The following ASMT variants were observed in gnomAD, a reference collection of about 807,000 sequenced individuals.
ASMT encodes the protein acetylserotonin O-methyltransferase.
A neutral mutation model predicts 41.3 loss-of-function variants in ASMT; 53 were observed. That is an observed-to-expected ratio of 1.28 (90% confidence interval 1.03 to 1.61). ASMT has a LOEUF of 1.61. ASMT is among the 40% of genes most tolerant of loss of function. ASMT has a pLI of 0.00. For synonymous variants in ASMT, 231 were observed against 184.8 expected (o/e 1.25, Z -2.03); for missense variants, 531 against 441.3 (o/e 1.20, Z -1.82).
chrX:1,631,908 G>A (rs1462872240), intron 5 of ASMT, among the ~76,000 whole-genome samples: 8 of 152,098 alleles, frequency 5.3e-5, no homozygotes, highest in Non-Finnish European at 1.2e-4. Flanking sequence ...ACTTAGCCAG[G>A]CATGACAGTA....
chrX:1,617,762 C>T (rs1407800365), intron 1 of ASMT, among the ~76,000 whole-genome samples: 20 of 151,328 alleles, frequency 1.3e-4, no homozygotes, highest in East Asian at 8.0e-4. Flanking sequence ...AGTACAGGCG[C>T]GTTCCAACAC....
At chrX:1,634,975 T>TTTCTCCTAAGC (rs1934904301) in intron 7 of ASMT, among the ~76,000 whole-genome samples, 2 of 135,024 alleles carry the variant, frequency 1.5e-5, no homozygotes, top group Non-Finnish European at 3.1e-5. Context: ...CTGAGTTAAC[T>TTTCTCCTAAGC]CTTTTTTTTT....
chrX:1,616,257 G>A (rs1247042810), intron 1 of ASMT, among the ~76,000 whole-genome samples: 1 of 151,386 alleles, frequency 6.6e-6, no homozygotes, highest in Non-Finnish European at 1.5e-5. Context: ...TCGAACTCCT[G>A]ACCTCAAGTG....
intron 2 of ASMT, among the ~76,000 whole-genome samples, chrX:1,623,738 T>G (rs1476341920): frequency 1.3e-5 from 2 of 151,940 alleles, no homozygotes; most frequent in African/African-American, 2.4e-5. Context: ...GGGCCACGTA[T>G]TTTTAATAGA....
chrX:1,619,109 C>A (rs1934241323), intron 1 of ASMT, among the ~76,000 whole-genome samples: 1 of 151,912 alleles, frequency 6.6e-6, no homozygotes, highest in Admixed American at 6.6e-5. Context: ...ATTTAGTATA[C>A]CCTTGGCCAG....
intron 1 of ASMT, among the ~76,000 whole-genome samples, chrX:1,622,937 A>T (rs1345742729): frequency 2.6e-5 from 4 of 152,008 alleles, no homozygotes; most frequent in South Asian, 2.1e-4. Flanking sequence ...ATTAATTAAT[A>T]AAAATAAATA....
chrX:1,624,053 C>T (rs752320188), intron 2 of ASMT, among the ~76,000 whole-genome samples: 4 of 152,102 alleles, frequency 2.6e-5, no homozygotes, highest in African/African-American at 9.6e-5. Context: ...GGGATTTGTA[C>T]AAACCGAACC....
intron 1 of ASMT, among the ~76,000 whole-genome samples, chrX:1,619,079 T>C (rs1381169589): frequency 6.6e-6 from 1 of 152,098 alleles, no homozygotes; most frequent in African/African-American, 2.4e-5. Context: ...CAAGAGTGAA[T>C]ATCGCCTTAA....
chrX:1,629,804 G>A lies in ASMT; in HGVS notation c.444-17G>A, dbSNP rs756384012. On this transcript the variant is annotated splice_polypyrimidine_tract_variant and intron_variant, in intron 4 of 8. Transcript: ENST00000381241. ...CCAGATCCTCACCATCTTGACAAGC[G>A]TGGTTTTGCATGCCAGGTCCGAGGG... 28 of 1,612,156 alleles carry A rather than the reference G, an allele frequency of 1.7e-5. No homozygotes were observed. Among genetic ancestry groups the A allele is most frequent in the East Asian group, 6.7e-5 (3 of 44,870 alleles).
At chrX:1,642,196 G>T (rs1284470931) in intron 8 of ASMT, among the ~76,000 whole-genome samples, 2 of 147,750 alleles carry the variant, frequency 1.4e-5, no homozygotes, top group Non-Finnish European at 3.0e-5. Context: ...GTGTGATAAG[G>T]ACAGTGTTCC....
rs553266953 is a variant in ASMT at position 1,640,516 on chromosome X, C to T, written c.911-2287C>T. On this transcript the variant is annotated intron_variant, in intron 8 of 8. Coordinates refer to ENST00000381241, the MANE Select transcript of ASMT (RefSeq NM_001171038.2). ...CACCCATCCTGATGCTTCATGAGGA[C>T]GTGGGCACAGCCTCTGTGTATGATG... Among the ~76,000 whole-genome samples, 170 of 50,154 alleles carry T rather than the reference C, an allele frequency of 3.4e-3. 12 individuals carry two copies. Among genetic ancestry groups the T allele is most frequent in the East Asian group, 0.015 (7 of 458 alleles). The allele number at this position is 50,154 out of a possible 152,430, so 32.9% of individuals were successfully genotyped here. A position where few individuals can be genotyped will look rare whatever the true frequency, so the allele number is the denominator to read the frequency against.
chrX:1,635,555 CAGAAAGAA>C (rs1173001013), intron 7 of ASMT, among the ~76,000 whole-genome samples: 10 of 151,858 alleles, frequency 6.6e-5, no homozygotes, highest in African/African-American at 2.4e-4. Context: ...CAGGGGACAT[CAGAAAGAA>C]AGAAAGAAAG....
intron 7 of ASMT, among the ~76,000 whole-genome samples, chrX:1,635,235 C>G (rs1324230595): frequency 2.7e-5 from 4 of 150,066 alleles, no homozygotes; most frequent in Admixed American, 1.3e-4. Context: ...CTGCCCCGCT[C>G]AGACTCCCAA....
intron 8 of ASMT, among the ~76,000 whole-genome samples, chrX:1,636,968 G>A (rs1323980479): frequency 1.2e-5 from 1 of 82,094 alleles, no homozygotes; most frequent in East Asian, 6.7e-4. Flanking sequence ...CCATCCTGAT[G>A]GCACATGAGG....
intron 3 of ASMT, among the ~76,000 whole-genome samples, 199 bp from the exon 4 acceptor site, chrX:1,627,504 C>G (rs1934595707): frequency 6.6e-6 from 1 of 151,564 alleles, no homozygotes; most frequent in South Asian, 2.1e-4. Flanking sequence ...GCCTATAGTC[C>G]CAGCTACTCG....
chrX:1,633,625 G>A (rs1316812110), intron 7 of ASMT, among the ~76,000 whole-genome samples: 13 of 147,236 alleles, frequency 8.8e-5, no homozygotes, highest in African/African-American at 2.8e-4. Flanking sequence ...ACAGGCATGC[G>A]CCACCACATC....
At chrX:1,642,621 C>T (rs755178709) in intron 8 of ASMT, among the ~76,000 whole-genome samples, 182 bp from the exon 9 acceptor site, 96 of 133,434 alleles carry the variant, frequency 7.2e-4, no homozygotes, top group African/African-American at 2.0e-3. Flanking sequence ...AGTGTCCCAG[C>T]GTCCTGTGAG....
At position 1,627,663 on chromosome X, in the gene ASMT, TGAAATGAAATG is replaced by T. The variant is rs1934605993; in HGVS notation, c.375-39_375-29del. The T allele has an allele frequency of 2.4e-6, 3 of 1,246,448 alleles. No individual in the cohort carries two copies. In the African/African-American group the frequency reaches 6.9e-5, roughly 29 times the overall value. 77.2% of individuals were successfully genotyped at this position (1,246,448 alleles called of 1,614,324 possible). On this transcript the variant is annotated intron_variant, in intron 3 of 8. Coordinates refer to ENST00000381241, the MANE Select transcript of ASMT (RefSeq NM_001171038.2). ...TGAAATGAAATGAAATGAAATGAAA[TGAAATGAAATG>T]AAAATCAGCCTTCTCTCTCTTTTCT...
chrX:1,636,941 T>TGA (rs1934996258), intron 8 of ASMT, among the ~76,000 whole-genome samples: 1 of 56,730 alleles, frequency 1.8e-5, no homozygotes, highest in Non-Finnish European at 3.3e-5. Flanking sequence ...GTGTCCCAGC[T>TGA]CTCCTGTGAG....
Sources: gnomAD v4.1 joint callset for allele counts (sites outside exome capture counted in the v4.1 genomes callset) on GRCh38, gnomAD v4.1.1 for gene constraint, MANE v1.5 for transcripts, NCBI Gene and HGNC (gene_info 2026-07-23, HGNC 2026-07-21) for gene names.